Variants in DARS1 observed in about 807,000 individuals in gnomAD.
DARS1 encodes the protein aspartyl-tRNA synthetase 1, also known as aspartate--tRNA ligase, cytoplasmic.
DARS1 carries 51 observed loss-of-function variants against 68.8 expected under a neutral mutation model. The observed-to-expected ratio is 0.74, with a 90% CI of 0.59 to 0.94. DARS1 has a LOEUF of 0.94. Among genes scored for constraint, DARS1 ranks in the 40% least tolerant of loss-of-function variants. The pLI is 0.00. For missense variants in DARS1, 607 were observed against 597.3 expected, an observed-to-expected ratio of 1.02 and a Z score of -0.17; for synonymous variants, 203 against 190.4, an observed-to-expected ratio of 1.07 and a Z score of -0.55.
At chr2:135,962,694 T>C (rs543942017) in intron 3 of DARS1, among the ~76,000 whole-genome samples, 7 of 152,208 alleles carry the variant, frequency 4.6e-5, no homozygotes, top group Admixed American at 4.6e-4. Flanking sequence ...TAATTTTCCC[T>C]TTTGCTTTGG....
intron 3 of DARS1, among the ~76,000 whole-genome samples, chr2:135,962,887 T>C (rs1042525564): frequency 6.6e-6 from 1 of 152,110 alleles, no homozygotes; most frequent in African/African-American, 2.4e-5. Context: ...TTACCCCACT[T>C]AGAAAAGTAT....
chr2:135,939,983 C>T (rs1438471986), intron 5 of DARS1, among the ~76,000 whole-genome samples: 4 of 152,104 alleles, frequency 2.6e-5, no homozygotes, highest in Non-Finnish European at 5.9e-5. Flanking sequence ...CTCAATAGAC[C>T]AATAACAGGC....
chr2:135,982,590 T>C (rs565573729), intron 2 of DARS1, among the ~76,000 whole-genome samples: 1 of 149,790 alleles, frequency 6.7e-6, no homozygotes, highest in Non-Finnish European at 1.5e-5. Flanking sequence ...AGCGAGCCTC[T>C]GTCTCCCAAA....
In DARS1 at chr2:135,920,585, T is replaced by A. The variant is rs1212236017; in HGVS notation, c.827A>T (p.Asp276Val). Residue 276 changes from aspartate (D) to valine (V), a missense_variant, in exon 10 of 16, where the codon GAC becomes GTC. Coordinates refer to ENST00000264161, the MANE Select transcript of DARS1 (RefSeq NM_001349.4). ...AGTTAGATGTCTATGGGTATTAGAGTCTTCCGCTCTGAATACTGTGAAGTT... is the reference window on the plus strand; with the variant it reads ...AGTTAGATGTCTATGGGTATTAGAGACTTCCGCTCTGAATACTGTGAAGTT... Reference protein sequence around the residue: ...FSIGPVFRAEDSNTHRHLTEF... With the variant: ...FSIGPVFRAEVSNTHRHLTEF... 2 of 1,604,186 alleles carry A rather than the reference T, an allele frequency of 1.2e-6. No homozygotes were observed. The highest frequency in any genetic ancestry group is 1.7e-6 in the Non-Finnish European group (2 of 1,176,714).
At chr2:135,985,020 G>A (rs964599341) in intron 1 of DARS1, among the ~76,000 whole-genome samples, 1 of 152,232 alleles carries the variant, frequency 6.6e-6, no homozygotes, top group Non-Finnish European at 1.5e-5. Context: ...AGGAACACGA[G>A]GGCTGAGTAC....
chr2:135,917,666 A>G (rs1681034562), intron 10 of DARS1, among the ~76,000 whole-genome samples: 1 of 151,910 alleles, frequency 6.6e-6, no homozygotes, highest in Non-Finnish European at 1.5e-5. Flanking sequence ...TTTTGCAGAG[A>G]TGGGATTTCA....
At position 135,983,472 on chromosome 2, in the gene DARS1, T is replaced by C. The variant is rs564763809; in HGVS notation, c.67-18A>G. 3 of 928,710 alleles carry C rather than the reference T, an allele frequency of 3.2e-6. No homozygotes were observed. Among genetic ancestry groups the C allele is most frequent in the South Asian group, 2.9e-5 (2 of 69,866 alleles). 57.5% of individuals were successfully genotyped at this position (928,710 alleles called of 1,614,324 possible). On this transcript the variant is annotated intron_variant, in intron 1 of 15. Coordinates refer to ENST00000264161, the MANE Select transcript of DARS1 (RefSeq NM_001349.4). ...GCATAATCCTACAAAAAAAGTTTTT[T>C]GCATCGTGACTTTTTATGTAAACAC...
At chr2:135,955,608 A>ACTT (rs1216025642) in intron 4 of DARS1, among the ~76,000 whole-genome samples, 1 of 151,858 alleles carries the variant, frequency 6.6e-6, no homozygotes, top group African/African-American at 2.4e-5. Context: ...GCATCAAAAG[A>ACTT]ACAAAAATAA....
Position 135,923,054 on chromosome 2 carries a change from C to T in DARS1, c.677-136G>A, listed in dbSNP as rs543090793. On this transcript the variant is annotated intron_variant, in intron 8 of 15. Coordinates refer to ENST00000264161, the MANE Select transcript of DARS1 (RefSeq NM_001349.4). ...AAAATGAAGAATTGTGGCTAAATCA[C>T]AGTCTATATACATCATCTTCTATGT... 1.2e-4 allele frequency: 124 copies of T among 1,026,224 alleles called. No homozygotes were observed. The African/African-American group carries it at 1.3e-3, about 11-fold the overall frequency. 63.6% of individuals were successfully genotyped at this position (1,026,224 alleles called of 1,614,324 possible). A position where few individuals can be genotyped will look rare whatever the true frequency, so the allele number is the denominator to read the frequency against.
chr2:135,931,849 A>T (rs1388166342), intron 7 of DARS1, among the ~76,000 whole-genome samples: 2 of 152,174 alleles, frequency 1.3e-5, no homozygotes, highest in Non-Finnish European at 2.9e-5. Context: ...ATTTAAACAA[A>T]ACAATACAAC....
intron 3 of DARS1, among the ~76,000 whole-genome samples, chr2:135,963,519 G>A (rs1375788889): frequency 1.3e-5 from 2 of 150,986 alleles, no homozygotes; most frequent in African/African-American, 2.4e-5. Flanking sequence ...TTACAGGCAC[G>A]TGCCACCAGG....
chr2:135,918,698 T>C (rs1045035328), intron 10 of DARS1, among the ~76,000 whole-genome samples: 13 of 107,782 alleles, frequency 1.2e-4, no homozygotes, highest in African/African-American at 2.8e-4. Flanking sequence ...TCAAACTCTA[T>C]TATTTAATGG....
At chr2:135,924,937 A>C (rs1427355978) in intron 7 of DARS1, among the ~76,000 whole-genome samples, 1 of 152,212 alleles carries the variant, frequency 6.6e-6, no homozygotes, top group African/African-American at 2.4e-5. Flanking sequence ...TATTTTAACC[A>C]TTACAACAAT....
At chr2:135,918,157 G>C (rs1453515635) in intron 10 of DARS1, among the ~76,000 whole-genome samples, 2 of 152,064 alleles carry the variant, frequency 1.3e-5, no homozygotes, top group Non-Finnish European at 2.9e-5. Flanking sequence ...CTGATCTCCT[G>C]ATCTGCCCAC....
At chr2:135,978,444 T>C (rs185702525) in intron 3 of DARS1, among the ~76,000 whole-genome samples, 44 of 152,356 alleles carry the variant, frequency 2.9e-4, no homozygotes, top group African/African-American at 9.1e-4. Context: ...TCTGAACGTG[T>C]TTCCTCATTT....
intron 5 of DARS1, among the ~76,000 whole-genome samples, chr2:135,938,601 T>C (rs1387785453): frequency 6.6e-6 from 1 of 152,154 alleles, no homozygotes; most frequent in Non-Finnish European, 1.5e-5. Context: ...CTTTTCTGCA[T>C]CAACTAACAA....
intron 3 of DARS1, among the ~76,000 whole-genome samples, chr2:135,976,882 G>A (rs966688217): frequency 6.6e-6 from 1 of 151,886 alleles, no homozygotes; most frequent in African/African-American, 2.4e-5. Flanking sequence ...CTTACGTGAT[G>A]CTTCATACTT....
At chr2:135,921,639 CTT>C (rs1355995105) in intron 9 of DARS1, among the ~76,000 whole-genome samples, 2 of 152,142 alleles carry the variant, frequency 1.3e-5, no homozygotes, top group Non-Finnish European at 2.9e-5. Flanking sequence ...ATGTCTTAGT[CTT>C]GGGAGCAGGC....
chr2:135,939,302 A>T (rs1351384278), intron 5 of DARS1, among the ~76,000 whole-genome samples: 1 of 152,206 alleles, frequency 6.6e-6, no homozygotes, highest in African/African-American at 2.4e-5. Flanking sequence ...AAATTATAAC[A>T]AACTGTCTCT....
Sources: allele counts gnomAD v4.1 joint callset (sites outside exome capture counted in the v4.1 genomes callset), GRCh38; gene constraint gnomAD v4.1.1; transcripts MANE v1.5; gene names NCBI Gene and HGNC (gene_info 2026-07-23, HGNC 2026-07-21).